Variants in TRIOBP observed in about 807,000 individuals in gnomAD.
The protein encoded by TRIOBP is TRIO and F-actin binding protein.
In TRIOBP, 169 loss-of-function variants were observed where a neutral mutation model predicts 238.8. The ratio of observed to expected loss-of-function variants is 0.71; its 90% CI spans 0.62 to 0.80. TRIOBP has a LOEUF of 0.80. Among genes scored for constraint, TRIOBP ranks in the 30% least tolerant of loss-of-function variants. The probability of loss-of-function intolerance (pLI) is 0.00; values close to 1 mark genes in which losing one functional copy is unlikely to be tolerated. For synonymous variants in TRIOBP, 1,150 were observed against 1,274.4 expected (o/e 0.90, Z 2.08); for missense variants, 2,838 against 3,122.6 (o/e 0.91, Z 2.17).
intron 4 of TRIOBP, among the ~76,000 whole-genome samples, chr22:37,711,571 T>C (rs1290966627): frequency 1.8e-5 from 2 of 112,728 alleles, no homozygotes; most frequent in Non-Finnish European, 1.7e-5. Context: ...ACAGCGAGGC[T>C]CCGTCTCAAA....
intron 16 of TRIOBP, 72 bp from the exon 17 acceptor site, chr22:37,759,082 C>T (rs1006446121): frequency 1.4e-5 from 18 of 1,263,196 alleles, no homozygotes; most frequent in Middle Eastern, 2.5e-4. Flanking sequence ...TGGAAGCCTG[C>T]GGGCTCCTCA....
rs947869930 is a variant in TRIOBP at position 37,713,519 on chromosome 22, T to C, written c.456+108T>C. 7.3e-6 allele frequency: 10 copies of C among 1,364,758 alleles called. No individual in the cohort carries two copies. The Admixed American group carries it at 8.6e-5, about 12-fold the overall frequency. 84.5% of individuals were successfully genotyped at this position (1,364,758 alleles called of 1,614,324 possible). A position where few individuals can be genotyped will look rare whatever the true frequency, so the allele number is the denominator to read the frequency against. On this transcript the variant is annotated intron_variant, in intron 5 of 23. Coordinates refer to ENST00000644935, the MANE Select transcript of TRIOBP (RefSeq NM_001039141.3). ...CAGGGCTGAGCCTCACACCAGGGAA[T>C]CCGACGAGGTCCTCTGGACCATTAG...
At chr22:37,730,468 G>C (rs1173701555) in intron 7 of TRIOBP, among the ~76,000 whole-genome samples, 1 of 152,158 alleles carries the variant, frequency 6.6e-6, no homozygotes, top group Non-Finnish European at 1.5e-5. Context: ...CAAGTGCCTT[G>C]CTTCCCTGCA....
intron 6 of TRIOBP, among the ~76,000 whole-genome samples, chr22:37,716,393 T>G (rs1923521554): frequency 6.6e-6 from 1 of 151,964 alleles, no homozygotes; most frequent in Non-Finnish European, 1.5e-5. Flanking sequence ...ATTACAGGCG[T>G]GATTACAGGC....
intron 6 of TRIOBP, among the ~76,000 whole-genome samples, chr22:37,722,754 G>A (rs1923901102): frequency 6.6e-6 from 1 of 152,176 alleles, no homozygotes; most frequent in South Asian, 2.1e-4. Context: ...AGAAATGGGG[G>A]GAATTCCTTG....
intron 17 of TRIOBP, among the ~76,000 whole-genome samples, chr22:37,761,908 C>A (rs1404613394): frequency 6.6e-6 from 1 of 151,626 alleles, no homozygotes. Context: ...GGCCCAACAC[C>A]CCAGCTGAGG....
chr22:37,746,044 C>CCGTCCCGCCGT (rs1925220888), intron 11 of TRIOBP, among the ~76,000 whole-genome samples: 1 of 134,548 alleles, frequency 7.4e-6, no homozygotes, highest in South Asian at 2.5e-4. Context: ...CATCCGCCCA[C>CCGTCCCGCCGT]CCCGCCGTCC....
intron 9 of TRIOBP, among the ~76,000 whole-genome samples, chr22:37,736,231 C>A (rs1283127210): frequency 6.6e-6 from 1 of 152,218 alleles, no homozygotes; most frequent in Non-Finnish European, 1.5e-5. Context: ...AGGCCAGAAT[C>A]CTGCACCCTG....
chr22:37,751,114 G>A (rs1387197371), intron 11 of TRIOBP: 1 of 437,578 alleles, frequency 2.3e-6, no homozygotes, highest in Admixed American at 2.8e-5. Flanking sequence ...CCTGGGTGGG[G>A]GTGCCTGGCA....
At chr22:37,744,934 C>T (rs138072465) in intron 11 of TRIOBP, among the ~76,000 whole-genome samples, 123 of 152,148 alleles carry the variant, frequency 8.1e-4, no homozygotes, top group African/African-American at 2.9e-3. Flanking sequence ...GGCACAATCT[C>T]TGCTCACTGT....
At chr22:37,704,380 C>CACAGA (rs1569031477) in intron 3 of TRIOBP, among the ~76,000 whole-genome samples, 2 of 133,788 alleles carry the variant, frequency 1.5e-5, no homozygotes, top group African/African-American at 5.9e-5. Flanking sequence ...TGGACCCTGA[C>CACAGA]TCAGAACAGA....
chr22:37,759,422 G>A, intron 17 of TRIOBP, 158 bp downstream of exon 17: 5 of 1,323,718 alleles, frequency 3.8e-6, no homozygotes, highest in South Asian at 2.3e-5. Flanking sequence ...CACAGCTGGT[G>A]GGCGTGATCA....
At chr22:37,713,103 C>A in intron 4 of TRIOBP, 107 bp from the exon 5 acceptor site, 1 of 1,010,134 alleles carries the variant, frequency 9.9e-7, no homozygotes, top group South Asian at 1.5e-5. Context: ...CTTTCCCACA[C>A]CAGCGTGTGG....
chr22:37,758,289 C>A, intron 16 of TRIOBP, 151 bp downstream of exon 16: 1 of 1,055,138 alleles, frequency 9.5e-7, no homozygotes, highest in Non-Finnish European at 1.4e-6. Context: ...CTCCTGCGAA[C>A]TAGAATCTTC....
Position 37,724,934 on chromosome 22 carries a change from C to T in TRIOBP, c.2378C>T (p.Thr793Ile), listed in dbSNP as rs778498472. The T allele has an allele frequency of 8.1e-6, 13 of 1,613,972 alleles. No individual in the cohort carries two copies. In the Admixed American group the frequency reaches 2.2e-4, roughly 27 times the overall value. Reference sequence around the variant, plus strand: ...AGAGCCACACGAGACAACCCCAGAACATCCTGTGCCCAGCGGGACAATCTC... The same window carrying T: ...AGAGCCACACGAGACAACCCCAGAATATCCTGTGCCCAGCGGGACAATCTC... ...PNRATRDNPR[T>I]SCAQRDNLRA... Residue 793 changes from threonine (T) to isoleucine (I), a missense_variant, in exon 7 of 24, where the codon ACA (threonine) becomes ATA (isoleucine). By Grantham distance (89) the Thr-to-Ile change is moderately conservative (BLOSUM62 -1). Around this residue, in one of 5 missense-constraint regions of TRIOBP, gnomAD observed 2,096 missense variants for 2,137.4 expected, o/e 0.98. Transcript: ENST00000644935.
At chr22:37,747,502 GC>G (rs1925347772) in intron 11 of TRIOBP, among the ~76,000 whole-genome samples, 1 of 152,202 alleles carries the variant, frequency 6.6e-6, no homozygotes, top group South Asian at 2.1e-4. Flanking sequence ...GGCACGCCTA[GC>G]CCCTGCCCTG....
chr22:37,734,276 G>T, intron 8 of TRIOBP, 123 bp from the exon 9 acceptor site: 2 of 923,206 alleles, frequency 2.2e-6, no homozygotes, highest in East Asian at 2.6e-5. Context: ...GTACTTTTTG[G>T]CCTGCTTTGA....
intron 21 of TRIOBP, 75 bp from the exon 22 acceptor site, chr22:37,771,575 C>G (rs1480497596): frequency 7.3e-7 from 1 of 1,361,130 alleles, no homozygotes; most frequent in Admixed American, 1.7e-5. Context: ...CAGAGAGAAC[C>G]CGGGCTGCAG....
At chr22:37,754,607 C>G (rs998170252) in intron 12 of TRIOBP, among the ~76,000 whole-genome samples, 2 of 152,152 alleles carry the variant, frequency 1.3e-5, no homozygotes, top group African/African-American at 4.8e-5. Flanking sequence ...TCACCCCTCC[C>G]TGTCTGCACT....
Sources: allele counts gnomAD v4.1 joint callset (sites outside exome capture counted in the v4.1 genomes callset), GRCh38; gene constraint gnomAD v4.1.1; regional missense constraint gnomAD v4.1.1; transcripts MANE v1.5; gene names NCBI Gene and HGNC (gene_info 2026-07-23, HGNC 2026-07-21).